Variants in VN1R4 observed in about 807,000 individuals in gnomAD.
VN1R4 encodes the protein vomeronasal type-1 receptor 4.
For synonymous variants in VN1R4, 97 were observed against 138.8 expected, an observed-to-expected ratio of 0.70 and a Z score of 2.12; for missense variants, 291 against 364.2, an observed-to-expected ratio of 0.80 and a Z score of 1.64.
chr19:53,267,531 A>G, exon 1 of VN1R4: 1 of 1,614,074 alleles, frequency 6.2e-7, no homozygotes, highest in Non-Finnish European at 8.5e-7. Flanking sequence ...GGTGCTTAAC[A>G]ATCAAATCTG....
At chr19:53,267,009 G>A (rs1295530045) in exon 1 of VN1R4, 3 of 1,604,474 alleles carry the variant, frequency 1.9e-6, no homozygotes, top group Non-Finnish European at 2.6e-6. Context: ...GGGAGAGATT[G>A]CTCCTATCAA....
exon 1 of VN1R4, chr19:53,267,400 A>C: frequency 6.2e-7 from 1 of 1,614,022 alleles, no homozygotes; most frequent in South Asian, 1.1e-5. Flanking sequence ...TCCCCTGCCC[A>C]CTCTATGGAG....
chr19:53,267,461 A>T, exon 1 of VN1R4: 1 of 1,614,150 alleles, frequency 6.2e-7, no homozygotes, highest in Non-Finnish European at 8.5e-7. Context: ...CTAACCCCAA[A>T]AGCTGCCATT....
At chr19:53,267,513 T>C (rs1265536619) in exon 1 of VN1R4, 3 of 1,614,060 alleles carry the variant, frequency 1.9e-6, no homozygotes, top group Non-Finnish European at 1.7e-6. Context: ...AGAAGTTGGC[T>C]ACAATCAGGT....
exon 1 of VN1R4, chr19:53,267,708 G>A (rs1227072420): frequency 6.6e-7 from 1 of 1,508,230 alleles, no homozygotes; most frequent in Non-Finnish European, 8.9e-7. Context: ...TTCAGGGCTG[G>A]GAGGTCCTGC....
exon 1 of VN1R4, chr19:53,267,528 A>G: frequency 6.2e-7 from 1 of 1,614,064 alleles, no homozygotes; most frequent in Non-Finnish European, 8.5e-7. Context: ...TCAGGTGCTT[A>G]ACAATCAAAT....
rs141828329 is a variant in VN1R4, at chr19:53,267,061, A to G, written c.605T>C (p.Met202Thr). The G allele has an allele frequency of 7.5e-5, 121 of 1,612,942 alleles. 1 individual carries two copies. In the African/African-American group the frequency reaches 1.4e-3, roughly 19 times the overall value. Reference sequence around the variant, plus strand: ...CTTGTGCCTGTGCAGTATGCAAACCATGGAGCTGCTGACCCAGAGCATGAG... The same window carrying G: ...CTTGTGCCTGTGCAGTATGCAAACCGTGGAGCTGCTGACCCAGAGCATGAG... The change falls in exon 1 of 1, where the codon ATG becomes ACG. Residue 202 changes from methionine to threonine, a missense_variant. By Grantham distance (81) the Met-to-Thr change is moderately conservative. Transcript: ENST00000311170.
At chr19:53,266,881 G>T (rs2091350761) in exon 1 of VN1R4, 7 of 1,613,962 alleles carry the variant, frequency 4.3e-6, no homozygotes, top group Non-Finnish European at 5.9e-6. Flanking sequence ...TAAACTATTG[G>T]GATTATCCAA....
exon 1 of VN1R4, chr19:53,266,919 G>A (rs2091351104): frequency 6.2e-7 from 1 of 1,614,026 alleles, no homozygotes; most frequent in Non-Finnish European, 8.5e-7. Flanking sequence ...GGAAAAGGCA[G>A]GAGAGAGTGT....
chr19:53,267,012 C>G, exon 1 of VN1R4: 1 of 1,608,502 alleles, frequency 6.2e-7, no homozygotes, highest in Non-Finnish European at 8.5e-7. Flanking sequence ...AGAGATTGCT[C>G]CTATCAATGT....
chr19:53,267,655 C>A lies in VN1R4; in HGVS notation c.11G>T (p.Arg4Leu), dbSNP rs777749940. 2 of 1,588,494 alleles carry A rather than the reference C, an allele frequency of 1.3e-6. No individual in the cohort carries two copies. Among genetic ancestry groups the A allele is most frequent in the Non-Finnish European group, 1.7e-6 (2 of 1,168,786 alleles). ...TAAGATCATTCCCACTGCCACATAC[C>A]GGGAGGCCATTCTGCCACTGATGTC... is the stretch of plus-strand genomic sequence containing the variant. The change falls in exon 1 of 1, where the codon CGG becomes CTG. Residue 4 changes from arginine to leucine, a missense_variant. Physicochemically the swap from Arg to Leu is moderately radical, Grantham distance 102. Transcript: ENST00000311170.
chr19:53,266,897 C>T (rs1488339990), exon 1 of VN1R4: 1 of 1,613,918 alleles, frequency 6.2e-7, no homozygotes, highest in African/African-American at 1.3e-5. Flanking sequence ...TCCAAAAGAG[C>T]CATACAAACT....
chr19:53,267,342 C>T (rs144142820), exon 1 of VN1R4: 219 of 1,613,984 alleles, frequency 1.4e-4, no homozygotes, highest in African/African-American at 1.3e-3. Flanking sequence ...TGGAGCTGAC[C>T]GTGATCACCT....
exon 1 of VN1R4, chr19:53,266,779 C>T (rs1298503800): frequency 5.6e-6 from 9 of 1,605,270 alleles, no homozygotes; most frequent in Non-Finnish European, 7.6e-6. Context: ...CCAGGCAAAA[C>T]AAAACCTGTA....
At chr19:53,267,291 C>T (rs2091354505) in exon 1 of VN1R4, 4 of 1,614,042 alleles carry the variant, frequency 2.5e-6, no homozygotes, top group African/African-American at 1.3e-5. Flanking sequence ...AGCCAACATG[C>T]TTGGGGGCTT....
At chr19:53,266,801 C>G in exon 1 of VN1R4, 1 of 1,613,704 alleles carries the variant, frequency 6.2e-7, no homozygotes, top group Non-Finnish European at 8.5e-7. Flanking sequence ...ACACTGGGGT[C>G]ACAGCTCATG....
In VN1R4 at chr19:53,266,692, A is replaced by G. The variant is rs2091349388; in HGVS notation, c.*68T>C. The G allele has an allele frequency of 1.2e-5, 17 of 1,441,808 alleles. No individual in the cohort carries two copies. In the South Asian group the frequency reaches 2.2e-4, roughly 19 times the overall value. 89.3% of individuals were successfully genotyped at this position (1,441,808 alleles called of 1,614,324 possible). A position where few individuals can be genotyped will look rare whatever the true frequency, so the allele number is the denominator to read the frequency against. ...AGATTACATTGCGGCACAGAAGAGT[A>G]AGTCATCAATTGAACCATGAGCAAA... is the stretch of plus-strand genomic sequence containing the variant. On this transcript the variant is annotated 3_prime_UTR_variant, in exon 1 of 1. Transcript: ENST00000311170.
chr19:53,266,997 G>A (rs760507051), exon 1 of VN1R4: 13 of 1,602,272 alleles, frequency 8.1e-6, no homozygotes, highest in Non-Finnish European at 1.1e-5. Flanking sequence ...GGGAGGCTCT[G>A]GGGGAGAGAT....
rs770064287 is a variant in VN1R4, at chr19:53,267,614, C to T, written c.52G>A (p.Gly18Arg). ...AGAACAGAGAAGCTCCCCAGGACTC[C>T]CACCACGGTCTGTGATAAGATCATT... The change falls in exon 1 of 1, where the codon GGA becomes AGA. Residue 18 changes from glycine (G) to arginine (R), a missense_variant. By Grantham distance (125) the Gly-to-Arg change is moderately radical. Coordinates refer to ENST00000311170, the Ensembl canonical transcript of VN1R4. The T allele has an allele frequency of 5.0e-6, 8 of 1,612,650 alleles. No individual in the cohort carries two copies. The East Asian group carries it at 1.8e-4, about 36-fold the overall frequency.
Sources: allele counts gnomAD v4.1 joint callset, GRCh38; gene constraint gnomAD v4.1.1; transcripts MANE v1.5; gene names NCBI Gene and HGNC (gene_info 2026-07-23, HGNC 2026-07-21).